Variants in RGS7 observed in about 807,000 individuals in gnomAD.
RGS7 encodes regulator of G protein signaling 7.
A neutral mutation model predicts 81.1 loss-of-function variants in RGS7; 27 were observed. The observed-to-expected ratio is 0.33, with a 90% CI of 0.25 to 0.46. RGS7 has a LOEUF of 0.46. RGS7 is among the 20% of genes least tolerant of loss of function. The probability of loss-of-function intolerance (pLI) is 1.00; values close to 1 mark genes in which losing one functional copy is unlikely to be tolerated. For missense variants in RGS7, 396 were observed against 607.4 expected (o/e 0.65, Z 3.66); for synonymous variants, 208 against 207.7 (o/e 1.00, Z -0.01).
chr1:240,917,461 T>G (rs1490823566), intron 6 of RGS7, among the ~76,000 whole-genome samples: 1 of 152,136 alleles, frequency 6.6e-6, no homozygotes, highest in Non-Finnish European at 1.5e-5. Context: ...ATGACAGCAA[T>G]ATTATAAGAG....
chr1:240,842,750 T>TCTTC (rs201266262), intron 9 of RGS7, among the ~76,000 whole-genome samples: 10 of 152,234 alleles, frequency 6.6e-5, no homozygotes, highest in South Asian at 4.1e-4. Context: ...TTTCTTTCTT[T>TCTTC]CTTCCTTCCT....
chr1:240,960,217 C>CTTCTTTTTTTTT (rs60911948), intron 4 of RGS7, among the ~76,000 whole-genome samples: 253 of 8,956 alleles, frequency 0.028, 29 homozygotes, highest in African/African-American at 0.086. Flanking sequence ...TCTTCTTCTT[C>CTTCTTTTTTTTT]TTTTTTTTTT....
chr1:241,138,082 G>A (rs1027654667), intron 2 of RGS7, among the ~76,000 whole-genome samples: 8 of 149,992 alleles, frequency 5.3e-5, no homozygotes, highest in African/African-American at 9.9e-5. Flanking sequence ...TGAGACAGGA[G>A]AATCACTTGA....
Position 240,990,265 on chromosome 1 carries a change from T to C in RGS7, c.176-7136A>G, listed in dbSNP as rs184511172. Among the ~76,000 whole-genome samples, 225 of 152,294 alleles carry C rather than the reference T, an allele frequency of 1.5e-3. 2 individuals are homozygous for C. Among genetic ancestry groups the C allele is most frequent in the Non-Finnish European group, 2.6e-3 (175 of 68,034 alleles). On this transcript the variant is annotated intron_variant, in intron 3 of 18. Transcript: ENST00000440928. ...GTGTAAACTACAGCTTCCTTCCAGT[T>C]TGTAAAGCTTTTATGTTTCATCATA...
At chr1:241,210,139 A>C (rs934547776) in intron 2 of RGS7, among the ~76,000 whole-genome samples, 1 of 152,036 alleles carries the variant, frequency 6.6e-6, no homozygotes, top group African/African-American at 2.4e-5. Context: ...CCAGGAATGC[A>C]ACCATATATA....
intron 13 of RGS7, among the ~76,000 whole-genome samples, chr1:240,812,437 CT>C (rs71172652): frequency 0.11 from 15,003 of 137,542 alleles, 994 homozygotes; most frequent in Non-Finnish European, 0.15. Context: ...TTTCTTTTTT[CT>C]TTTTTTTTTT....
At chr1:241,253,497 G>A (rs2076924876) in intron 2 of RGS7, among the ~76,000 whole-genome samples, 1 of 152,126 alleles carries the variant, frequency 6.6e-6, no homozygotes, top group Non-Finnish European at 1.5e-5. Context: ...CATTTGACAG[G>A]AAGAGTCACT....
intron 6 of RGS7, among the ~76,000 whole-genome samples, chr1:240,924,486 G>A (rs1306410970): frequency 6.6e-6 from 1 of 152,036 alleles, no homozygotes; most frequent in Non-Finnish European, 1.5e-5. Context: ...GTTTAAATTG[G>A]GAGGTTCTTA....
At chr1:240,871,290 G>A (rs967232794) in intron 6 of RGS7, among the ~76,000 whole-genome samples, 4 of 152,186 alleles carry the variant, frequency 2.6e-5, no homozygotes, top group African/African-American at 9.7e-5. Context: ...ACCTCTGTGA[G>A]TTTGCCTTGG....
At chr1:241,180,842 T>C (rs893964554) in intron 2 of RGS7, among the ~76,000 whole-genome samples, 5 of 152,188 alleles carry the variant, frequency 3.3e-5, no homozygotes, top group African/African-American at 9.6e-5. Context: ...ATTTGTGTGA[T>C]TGTAGGCAAG....
intron 2 of RGS7, among the ~76,000 whole-genome samples, chr1:241,160,152 A>AAAGAAG (rs2069528840): frequency 3.9e-5 from 6 of 152,006 alleles, no homozygotes; most frequent in African/African-American, 1.4e-4. Context: ...AGAAAAAGAA[A>AAAGAAG]TAGGGTTTTC....
chr1:240,788,508 T>C (rs1006546283), intron 18 of RGS7, among the ~76,000 whole-genome samples: 1 of 152,190 alleles, frequency 6.6e-6, no homozygotes, highest in African/African-American at 2.4e-5. Context: ...GAGAATTGGT[T>C]AAACATGAAA....
Position 240,977,278 on chromosome 1 carries a change from C to T in RGS7, c.226+5801G>A, listed in dbSNP as rs549861766. ...TGATTGCTGCACATTAATTTTCCTC[C>T]CTATGAAATCAAAGTAGCCATTTTA... On this transcript the variant is annotated intron_variant, in intron 4 of 18. Transcript: ENST00000440928. Among the ~76,000 whole-genome samples, 125 of 152,218 alleles carry T rather than the reference C, an allele frequency of 8.2e-4. 2 individuals carry two copies. The South Asian group carries it at 0.025, about 31-fold the overall frequency.
At chr1:241,053,897 T>G (rs1448706413) in intron 3 of RGS7, among the ~76,000 whole-genome samples, 1 of 152,224 alleles carries the variant, frequency 6.6e-6, no homozygotes, top group African/African-American at 2.4e-5. Flanking sequence ...GTCTTTCACC[T>G]TCTGCCGTGA....
At chr1:241,258,320 A>G (rs938414068) in intron 2 of RGS7, among the ~76,000 whole-genome samples, 1 of 152,164 alleles carries the variant, frequency 6.6e-6, no homozygotes, top group African/African-American at 2.4e-5. Flanking sequence ...ATGGGAGAGA[A>G]ATGAGAAAAC....
In RGS7 at chr1:241,327,105, A is replaced by G. The variant is rs1558321238; in HGVS notation, c.78+28594T>C. ...GAGAAAGAAAGAAAGAAAGAAAGAA[A>G]GAAAGAAAGAAAGAAAGAAAGAAAG... is the stretch of plus-strand genomic sequence containing the variant. On this transcript the variant is annotated intron_variant, in intron 2 of 18. Transcript: ENST00000440928. Among the ~76,000 whole-genome samples, 205 of 99,330 alleles carry G rather than the reference A, an allele frequency of 2.1e-3. 6 individuals carry two copies. The highest frequency in any genetic ancestry group is 7.1e-3 in the African/African-American group (184 of 25,780). 65.2% of individuals were successfully genotyped at this position (99,330 alleles called of 152,430 possible).
At position 241,154,934 on chromosome 1, in the gene RGS7, A is replaced by T. The variant is rs187670395; in HGVS notation, c.79-56172T>A. Among the ~76,000 whole-genome samples, 56 of 152,298 alleles carry T rather than the reference A, an allele frequency of 3.7e-4. No homozygotes were observed. In the East Asian group the frequency reaches 0.01, roughly 27 times the overall value. Reference sequence around the variant, plus strand: ...AATACTGTTCCAAGAGCCATTTTTTAAAAAAAGAATGTCACGCAGACTGAA... The same window carrying T: ...AATACTGTTCCAAGAGCCATTTTTTTAAAAAAGAATGTCACGCAGACTGAA... On this transcript the variant is annotated intron_variant, in intron 2 of 18. Transcript: ENST00000440928.
chr1:241,056,166 C>T (rs2061468672), intron 3 of RGS7, among the ~76,000 whole-genome samples: 2 of 152,170 alleles, frequency 1.3e-5, no homozygotes, highest in Admixed American at 1.3e-4. Context: ...GGCAGGCAAG[C>T]TCACCCCTGC....
At chr1:241,042,647 G>C (rs10926401) in intron 3 of RGS7, among the ~76,000 whole-genome samples, 1 of 151,696 alleles carries the variant, frequency 6.6e-6, no homozygotes, top group Non-Finnish European at 1.5e-5. Flanking sequence ...TCCCTTGGCC[G>C]GGCCGGGCTT....
Sources: allele counts gnomAD v4.1 joint callset (sites outside exome capture counted in the v4.1 genomes callset), GRCh38; gene constraint gnomAD v4.1.1; transcripts MANE v1.5; gene names NCBI Gene and HGNC (gene_info 2026-07-23, HGNC 2026-07-21).